CAMTA1: variants seen among roughly 807,000 people sequenced by gnomAD.
CAMTA1 encodes the protein calmodulin-binding transcription activator 1.
In CAMTA1, 27 loss-of-function variants were observed where a neutral mutation model predicts 170.9. That is an observed-to-expected ratio of 0.16 (90% CI 0.12 to 0.22). The LOEUF is 0.22. Among genes scored for constraint, CAMTA1 ranks in the 10% least tolerant of loss-of-function variants. CAMTA1 has a pLI of 1.00. For missense variants in CAMTA1, 1,619 were observed against 2,217.2 expected (o/e 0.73, Z 5.42); for synonymous variants, 833 against 891.5 (o/e 0.93, Z 1.17).
intron 3 of CAMTA1, among the ~76,000 whole-genome samples, chr1:6,898,073 T>C (rs1175892824): frequency 6.6e-6 from 1 of 152,266 alleles, no homozygotes; most frequent in Non-Finnish European, 1.5e-5. Flanking sequence ...GTTCATTTGC[T>C]AACCTGCAGT....
intron 5 of CAMTA1, among the ~76,000 whole-genome samples, chr1:7,417,602 G>T (rs970274057): frequency 1.1e-4 from 16 of 152,206 alleles, no homozygotes; most frequent in African/African-American, 3.6e-4. Context: ...CTCCTGGTGT[G>T]CTGTTTTTTA....
chr1:7,462,336 C>T (rs1187930546), intron 5 of CAMTA1, among the ~76,000 whole-genome samples: 1 of 152,082 alleles, frequency 6.6e-6, no homozygotes, highest in Admixed American at 6.5e-5. Context: ...CATAATCTTG[C>T]CTTACTGCAA....
intron 6 of CAMTA1, among the ~76,000 whole-genome samples, chr1:7,627,627 C>A (rs1323290377): frequency 6.6e-6 from 1 of 152,200 alleles, no homozygotes; most frequent in Non-Finnish European, 1.5e-5. Context: ...GGTAGCAGAA[C>A]CCAGACTCGA....
intron 6 of CAMTA1, among the ~76,000 whole-genome samples, chr1:7,515,220 C>G (rs950734499): frequency 6.6e-6 from 1 of 152,202 alleles, no homozygotes; most frequent in African/African-American, 2.4e-5. Flanking sequence ...CTGGGATCAT[C>G]CCAGGTGTCC....
intron 3 of CAMTA1, among the ~76,000 whole-genome samples, chr1:6,880,391 T>G (rs991730059): frequency 2.1e-5 from 3 of 144,996 alleles, no homozygotes; most frequent in African/African-American, 5.3e-5. Flanking sequence ...GTGTTTTTTT[T>G]TTTTTTTTTT....
chr1:7,361,728 C>T (rs1288548980), intron 5 of CAMTA1, among the ~76,000 whole-genome samples: 2 of 152,216 alleles, frequency 1.3e-5, no homozygotes, highest in African/African-American at 2.4e-5. Flanking sequence ...AGAGGACTCA[C>T]TACTAGTTAA....
In CAMTA1 at chr1:6,825,095, A is replaced by G. The variant is rs778073709; in HGVS notation, c.119A>G (p.Asp40Gly). ...VLNTVPPIED[D>G]HGNSNSSHVK... The stretch of plus-strand genomic sequence containing the variant: ...TTTATTGTTTTCTTCTTTGTAGATG[A>G]TCATGGGAACAGCAATAGTAGTCAT... The change falls in exon 3 of 23, where the codon GAT becomes GGT. Residue 40 changes from aspartate (D) to glycine (G), a missense_variant. Asp to Gly is a moderately conservative substitution (Grantham distance 94). Transcript: ENST00000303635. 3 of 1,538,754 alleles carry G rather than the reference A, an allele frequency of 1.9e-6. No individual in the cohort carries two copies. Among genetic ancestry groups the G allele is most frequent in the East Asian group, 2.3e-5 (1 of 44,326 alleles).
chr1:7,343,395 C>T (rs75045896), intron 5 of CAMTA1, among the ~76,000 whole-genome samples: 1,615 of 152,284 alleles, frequency 0.011, 27 homozygotes, highest in African/African-American at 0.036. Context: ...TTGGCCACCT[C>T]CGAGGCCATA....
intron 3 of CAMTA1, among the ~76,000 whole-genome samples, chr1:6,898,485 G>A (rs1268448457): frequency 3.9e-5 from 6 of 152,280 alleles, no homozygotes; most frequent in South Asian, 2.1e-4. Context: ...CCCAGGAGGC[G>A]GAGCTTGCAG....
chr1:7,742,182 T>C (rs911218206), intron 16 of CAMTA1, among the ~76,000 whole-genome samples: 1 of 151,910 alleles, frequency 6.6e-6, no homozygotes, highest in Non-Finnish European at 1.5e-5. Flanking sequence ...TTATAAACTA[T>C]TGTGTACCTA....
chr1:6,977,219 G>A (rs1693600523), intron 3 of CAMTA1, among the ~76,000 whole-genome samples: 1 of 152,170 alleles, frequency 6.6e-6, no homozygotes, highest in Admixed American at 6.6e-5. Flanking sequence ...GGGCAGGCTG[G>A]GTGCCATCAA....
At chr1:7,638,851 ACTGCTGCC>A (rs1321697632) in intron 6 of CAMTA1, among the ~76,000 whole-genome samples, 3 of 152,184 alleles carry the variant, frequency 2.0e-5, no homozygotes, top group East Asian at 3.9e-4. Flanking sequence ...TCCCAGGGAC[ACTGCTGCC>A]TTACACAGGC....
intron 3 of CAMTA1, among the ~76,000 whole-genome samples, chr1:6,827,319 G>A (rs1470288451): frequency 2.0e-5 from 3 of 152,198 alleles, no homozygotes; most frequent in Admixed American, 6.5e-5. Flanking sequence ...CCCTTGGGAT[G>A]GGCTGTTCTT....
chr1:7,453,932 G>A (rs941231436), intron 5 of CAMTA1, among the ~76,000 whole-genome samples: 3 of 152,250 alleles, frequency 2.0e-5, no homozygotes, highest in African/African-American at 7.2e-5. Flanking sequence ...GCTGCAGCAG[G>A]CGTGTTGGGT....
At chr1:7,502,550 C>T (rs1452877370) in intron 6 of CAMTA1, among the ~76,000 whole-genome samples, 2 of 152,168 alleles carry the variant, frequency 1.3e-5, no homozygotes, top group East Asian at 1.9e-4. Context: ...AGGAAGGACT[C>T]CCTCCACATC....
intron 5 of CAMTA1, among the ~76,000 whole-genome samples, chr1:7,320,898 C>T (rs947151112): frequency 6.6e-6 from 1 of 152,102 alleles, no homozygotes; most frequent in African/African-American, 2.4e-5. Context: ...TATGATCAGG[C>T]TCCTAATCCA....
chr1:6,839,259 G>A (rs1186975045), intron 3 of CAMTA1, among the ~76,000 whole-genome samples: 1 of 152,036 alleles, frequency 6.6e-6, no homozygotes, highest in African/African-American at 2.4e-5. Context: ...GCATGTGCCT[G>A]TAATCCCAGC....
Position 7,117,316 on chromosome 1 carries a change from A to G in CAMTA1, c.302+25945A>G, listed in dbSNP as rs952378320. 2.6e-5 allele frequency among the ~76,000 whole-genome samples: 4 copies of G among 152,044 alleles called. 1 individual carries two copies. The South Asian group carries it at 8.3e-4, about 32-fold the overall frequency. On this transcript the variant is annotated intron_variant, in intron 4 of 22. Transcript: ENST00000303635. Reference sequence around the variant, plus strand: ...CATTTCACTATTTTCTATATTTTTTATGTAATTACAATAAAGAGTACAGCC... The same window carrying G: ...CATTTCACTATTTTCTATATTTTTTGTGTAATTACAATAAAGAGTACAGCC...
intron 5 of CAMTA1, among the ~76,000 whole-genome samples, chr1:7,351,225 G>A (rs2084645184): frequency 6.6e-6 from 1 of 152,380 alleles, no homozygotes; most frequent in East Asian, 1.9e-4. Context: ...GCACGATCCT[G>A]ATGTCTGAGG....
Sources: allele counts gnomAD v4.1 joint callset (sites outside exome capture counted in the v4.1 genomes callset), GRCh38; gene constraint gnomAD v4.1.1; transcripts MANE v1.5; gene names NCBI Gene and HGNC (gene_info 2026-07-23, HGNC 2026-07-21).